Variants in ALK observed in about 807,000 individuals in gnomAD.
The protein encoded by ALK is ALK tyrosine kinase receptor.
Under a neutral mutation model 163.1 loss-of-function variants are expected in ALK, and 74 were observed. The ratio of observed to expected loss-of-function variants is 0.45; its 90% CI spans 0.38 to 0.55. ALK has a LOEUF of 0.55. Ranked by LOEUF, ALK falls within the 20% of genes least tolerant of loss-of-function variation. The probability of loss-of-function intolerance (pLI) is 0.00; values close to 1 mark genes in which losing one functional copy is unlikely to be tolerated. For synonymous variants in ALK, 960 were observed against 843.2 expected (o/e 1.14, Z -2.40); for missense variants, 2,063 against 2,105.3 (o/e 0.98, Z 0.39).
At chr2:29,282,064 G>A (rs927752206) in intron 9 of ALK, among the ~76,000 whole-genome samples, 3 of 152,192 alleles carry the variant, frequency 2.0e-5, no homozygotes, top group Non-Finnish European at 4.4e-5. Flanking sequence ...CTGGGTAGAA[G>A]GCATTTGCCA....
chr2:29,906,432 G>A (rs1368110129), intron 1 of ALK, among the ~76,000 whole-genome samples: 2 of 152,128 alleles, frequency 1.3e-5, no homozygotes, highest in Non-Finnish European at 2.9e-5. Context: ...AAAGAAAAGG[G>A]ATAGGAGAGA....
At chr2:29,885,701 G>C (rs1380732401) in intron 1 of ALK, among the ~76,000 whole-genome samples, 2 of 152,156 alleles carry the variant, frequency 1.3e-5, no homozygotes, top group Non-Finnish European at 2.9e-5. Flanking sequence ...AGTGCCAGAT[G>C]ATGAGGAGGA....
intron 1 of ALK, among the ~76,000 whole-genome samples, chr2:29,819,063 G>A (rs987902068): frequency 2.6e-5 from 4 of 152,270 alleles, no homozygotes; most frequent in Admixed American, 1.3e-4. Flanking sequence ...ACATCTTGTT[G>A]CTGAAAGTGT....
At chr2:29,911,583 T>C (rs1242759934) in intron 1 of ALK, among the ~76,000 whole-genome samples, 1 of 152,242 alleles carries the variant, frequency 6.6e-6, no homozygotes, top group Non-Finnish European at 1.5e-5. Context: ...GAAGGAAATA[T>C]GCTAATTCGC....
intron 3 of ALK, among the ~76,000 whole-genome samples, chr2:29,567,974 G>A (rs567486509): frequency 1.3e-5 from 2 of 152,312 alleles, no homozygotes; most frequent in African/African-American, 2.4e-5. Flanking sequence ...AACATTGAGA[G>A]AAATGACACA....
intron 5 of ALK, among the ~76,000 whole-genome samples, chr2:29,334,696 C>G (rs529740130): frequency 6.6e-6 from 1 of 152,332 alleles, no homozygotes; most frequent in African/African-American, 2.4e-5. Context: ...GTTTTCAGCA[C>G]TGCTACCAAC....
intron 12 of ALK, among the ~76,000 whole-genome samples, 154 bp downstream of exon 12, chr2:29,250,951 C>T (rs1664798777): frequency 6.6e-6 from 1 of 152,224 alleles, no homozygotes; most frequent in Non-Finnish European, 1.5e-5. Flanking sequence ...CCAAATCTCC[C>T]CATCTCCAAC....
chr2:29,548,510 T>C (rs1673623303), intron 3 of ALK, among the ~76,000 whole-genome samples: 1 of 147,560 alleles, frequency 6.8e-6, no homozygotes, highest in Admixed American at 6.8e-5. Context: ...AATGGTGTCA[T>C]TGGATATCTA....
chr2:29,670,512 A>G (rs1677650408), intron 3 of ALK, among the ~76,000 whole-genome samples: 1 of 151,842 alleles, frequency 6.6e-6, no homozygotes, highest in Non-Finnish European at 1.5e-5. Context: ...ATTTGGGTTG[A>G]TTCTGGTGTT....
chr2:29,279,519 A>T (rs183821437), intron 9 of ALK, among the ~76,000 whole-genome samples: 471 of 152,196 alleles, frequency 3.1e-3, no homozygotes, highest in Middle Eastern at 6.8e-3. Context: ...TGTGGGTGGT[A>T]GGTGATGGGC....
chr2:29,714,257 C>T (rs1363970512), intron 2 of ALK, among the ~76,000 whole-genome samples: 2 of 152,022 alleles, frequency 1.3e-5, no homozygotes. Flanking sequence ...AATTAGTGGG[C>T]GCTCGTCATT....
intron 3 of ALK, among the ~76,000 whole-genome samples, chr2:29,596,050 T>C (rs1675204997): frequency 6.6e-6 from 1 of 152,220 alleles, no homozygotes; most frequent in Non-Finnish European, 1.5e-5. Context: ...AGACCACATG[T>C]ACATACATCA....
chr2:29,583,041 T>TTTTTTTTC lies in ALK; in HGVS notation c.953-50926_953-50925insGAAAAAAA, dbSNP rs1674763609. 4.5e-5 allele frequency among the ~76,000 whole-genome samples: 4 copies of TTTTTTTTC among 88,750 alleles called. No individual in the cohort carries two copies. The South Asian group carries it at 1.2e-3, about 27-fold the overall frequency. The allele number at this position is 88,750 out of a possible 152,430, so 58.2% of individuals were successfully genotyped here. On this transcript the variant is annotated intron_variant, in intron 3 of 28. Transcript: ENST00000389048. ...CCATGCCTGGCTAACTTTTGTTTTTTGTTTTTTTGTTTTTTTTAGTAAAGA... is the reference window on the plus strand; with the variant it reads ...CCATGCCTGGCTAACTTTTGTTTTTTTTTTTTTCGTTTTTTTGTTTTTTTTAGTAAAGA...
Position 29,866,487 on chromosome 2 carries a change from C to T in ALK, c.667+53506G>A, listed in dbSNP as rs141890052. Among the ~76,000 whole-genome samples, 6 of 152,256 alleles carry T rather than the reference C, an allele frequency of 3.9e-5. No homozygotes were observed. The East Asian group carries it at 5.8e-4, about 15-fold the overall frequency. ...GCCTCTACAGCCCACTAAGAGCTGG[C>T]GGGTTTAGCGGACCCTGTCTAAGAA... On this transcript the variant is annotated intron_variant, in intron 1 of 28. Transcript: ENST00000389048.
At chr2:29,513,275 A>G (rs575756629) in intron 4 of ALK, among the ~76,000 whole-genome samples, 1 of 136,848 alleles carries the variant, frequency 7.3e-6, no homozygotes, top group East Asian at 2.2e-4. Context: ...TAACCAAAAC[A>G]GCATGGTACT....
intron 1 of ALK, among the ~76,000 whole-genome samples, chr2:29,770,639 C>T (rs1052141507): frequency 3.3e-5 from 5 of 151,894 alleles, no homozygotes; most frequent in African/African-American, 1.2e-4. Context: ...TTTGTGAAAA[C>T]CAGAGCTGGA....
intron 6 of ALK, among the ~76,000 whole-genome samples, chr2:29,327,521 T>C (rs1163833068): frequency 6.6e-6 from 1 of 152,166 alleles, no homozygotes; most frequent in Non-Finnish European, 1.5e-5. Context: ...GGCAAATCTA[T>C]AGAAACAAAG....
intron 6 of ALK, among the ~76,000 whole-genome samples, chr2:29,322,054 T>C (rs17727792): frequency 0.12 from 18,268 of 152,300 alleles, 1,151 homozygotes; most frequent in Non-Finnish European, 0.14. Context: ...GCTAGTGGCC[T>C]ATTCCAGGCG....
chr2:29,893,014 A>G (rs557235739), intron 1 of ALK, among the ~76,000 whole-genome samples: 8 of 152,266 alleles, frequency 5.3e-5, no homozygotes, highest in African/African-American at 1.7e-4. Context: ...CCATTAGGGC[A>G]CAGTACTGCC....
Sources: gnomAD v4.1 joint callset for allele counts (sites outside exome capture counted in the v4.1 genomes callset) on GRCh38, gnomAD v4.1.1 for gene constraint, MANE v1.5 for transcripts, NCBI Gene and HGNC (gene_info 2026-07-23, HGNC 2026-07-21) for gene names.